AOAH: variants seen among roughly 807,000 people sequenced by gnomAD.
AOAH encodes acyloxyacyl hydrolase.
Under a neutral mutation model 92.2 loss-of-function variants are expected in AOAH, and 64 were observed. The observed-to-expected ratio is 0.69, with a 90% CI of 0.57 to 0.86. The LOEUF (loss-of-function observed/expected upper bound fraction) is 0.86. Among genes scored for constraint, AOAH ranks in the 40% least tolerant of loss-of-function variants. The probability of loss-of-function intolerance (pLI) is 0.00; values close to 1 mark genes in which losing one functional copy is unlikely to be tolerated. For synonymous variants in AOAH, 263 were observed against 254.5 expected (o/e 1.03, Z -0.32); for missense variants, 656 against 694.6 (o/e 0.94, Z 0.62).
intron 12 of AOAH, among the ~76,000 whole-genome samples, chr7:36,584,572 C>T (rs1298032830): frequency 6.6e-6 from 1 of 152,074 alleles, no homozygotes; most frequent in Non-Finnish European, 1.5e-5. Context: ...TCATTTTCTC[C>T]TATTTGTTGA....
intron 18 of AOAH, 104 bp from the exon 19 acceptor site, chr7:36,530,618 C>T (rs1784639197): frequency 2.8e-6 from 2 of 716,838 alleles, no homozygotes; most frequent in Non-Finnish European, 4.8e-6. Flanking sequence ...TCCTACTCTA[C>T]TTTCATTTCT....
intron 13 of AOAH, among the ~76,000 whole-genome samples, chr7:36,576,228 A>G (rs1435715611): frequency 6.6e-6 from 1 of 152,214 alleles, no homozygotes; most frequent in Admixed American, 6.5e-5. Flanking sequence ...AGCTTTTGCG[A>G]TGACCTTAAT....
intron 11 of AOAH, among the ~76,000 whole-genome samples, chr7:36,597,031 T>C (rs1397386161): frequency 2.0e-5 from 3 of 152,198 alleles, no homozygotes; most frequent in Non-Finnish European, 2.9e-5. Context: ...AATTGCCTCC[T>C]CCTTCCACAC....
At chr7:36,634,776 T>C (rs1793405532) in intron 5 of AOAH, among the ~76,000 whole-genome samples, 1 of 152,240 alleles carries the variant, frequency 6.6e-6, no homozygotes, top group Non-Finnish European at 1.5e-5. Flanking sequence ...AACAACAGTC[T>C]AGATTTTAAC....
At chr7:36,563,515 T>C (rs1020471552) in intron 13 of AOAH, among the ~76,000 whole-genome samples, 2 of 152,182 alleles carry the variant, frequency 1.3e-5, no homozygotes, top group African/African-American at 4.8e-5. Flanking sequence ...TCCAGAGTGC[T>C]CCAGCTATTC....
intron 11 of AOAH, among the ~76,000 whole-genome samples, chr7:36,603,439 C>T (rs984622723): frequency 3.9e-5 from 6 of 152,166 alleles, no homozygotes; most frequent in African/African-American, 1.2e-4. Flanking sequence ...GAGCCTTCCT[C>T]GCCTGCCCCG....
intron 1 of AOAH, among the ~76,000 whole-genome samples, chr7:36,704,865 T>A (rs1327870284): frequency 1.3e-5 from 2 of 151,916 alleles, no homozygotes; most frequent in Non-Finnish European, 2.9e-5. Context: ...ATGTAATCCA[T>A]CACATAAACA....
chr7:36,595,706 T>A (rs1790058596), intron 11 of AOAH, among the ~76,000 whole-genome samples: 1 of 152,204 alleles, frequency 6.6e-6, no homozygotes. Flanking sequence ...ACTGAGTATC[T>A]TGTATTTTAT....
chr7:36,536,019 C>T (rs535360183), intron 16 of AOAH, among the ~76,000 whole-genome samples: 4 of 152,322 alleles, frequency 2.6e-5, no homozygotes, highest in East Asian at 3.9e-4. Flanking sequence ...CAGCCAGCGA[C>T]GGACTGGGTA....
At chr7:36,661,094 G>A (rs2116543946) in intron 3 of AOAH, 1 of 152,280 alleles carries the variant, frequency 6.6e-6, no homozygotes, top group Non-Finnish European at 1.5e-5. Flanking sequence ...ACTTTCTTTG[G>A]GTTTCTTCCC....
chr7:36,534,892 G>A (rs908944883), intron 16 of AOAH, among the ~76,000 whole-genome samples: 3 of 152,128 alleles, frequency 2.0e-5, no homozygotes, highest in Admixed American at 6.5e-5. Flanking sequence ...GTCTCTGTGT[G>A]TCTTCGTGTG....
chr7:36,543,802 A>C (rs1785580728), intron 15 of AOAH, among the ~76,000 whole-genome samples: 1 of 152,106 alleles, frequency 6.6e-6, no homozygotes, highest in South Asian at 2.1e-4. Flanking sequence ...TGCATAGCAA[A>C]ATCAACCAAC....
intron 7 of AOAH, among the ~76,000 whole-genome samples, chr7:36,622,914 T>C (rs1792383446): frequency 6.6e-6 from 1 of 151,946 alleles, no homozygotes; most frequent in Admixed American, 6.6e-5. Context: ...GGTGTGGTGG[T>C]GCATGCCTGT....
At chr7:36,650,657 A>G (rs11973236) in intron 4 of AOAH, among the ~76,000 whole-genome samples, 98,050 of 152,158 alleles carry the variant, frequency 0.64, 32,040 homozygotes, top group East Asian at 0.84. Context: ...CACATTCTCA[A>G]AGAAGCCGAA....
chr7:36,724,143 C>A lies in AOAH; in HGVS notation c.6G>T (p.Gln2His). M[Q>H]SPWKILTVAP... ...CCACCGTAAGGATTTTCCAGGGGGA[C>A]TGCATCTCCGAGCTATGCACCCCAA... The change falls in exon 1 of 21, where the codon CAG (glutamine) becomes CAT (histidine). Residue 2 changes from glutamine (Q) to histidine (H), a missense_variant. Transcript: ENST00000617537. 6.2e-7 allele frequency: 1 copy of A among 1,613,182 alleles called. No homozygotes were observed. The highest frequency in any genetic ancestry group is 8.5e-7 in the Non-Finnish European group (1 of 1,179,400).
In AOAH at chr7:36,651,597, A is replaced by G. The variant is rs575010518; in HGVS notation, c.390+7569T>C. Among the ~76,000 whole-genome samples the G allele has an allele frequency of 2.0e-5, 3 of 152,296 alleles. No homozygotes were observed. In the South Asian group the frequency reaches 6.2e-4, roughly 32 times the overall value. On this transcript the variant is annotated intron_variant, in intron 4 of 20. Transcript: ENST00000617537. ...TTAAGCTGTTTATGATATTTTATGA[A>G]AACTAAAACTAAAGCTGCCTTTAAT...
At chr7:36,722,524 A>G (rs996149072) in intron 1 of AOAH, among the ~76,000 whole-genome samples, 5 of 152,344 alleles carry the variant, frequency 3.3e-5, no homozygotes, top group Non-Finnish European at 7.3e-5. Flanking sequence ...GCAAATAGTT[A>G]TTTAAGGAAA....
At chr7:36,656,964 G>A (rs934845955) in intron 4 of AOAH, among the ~76,000 whole-genome samples, 1 of 151,706 alleles carries the variant, frequency 6.6e-6, no homozygotes, top group African/African-American at 2.4e-5. Flanking sequence ...ATTCATACGT[G>A]CTACGTAGGA....
intron 12 of AOAH, among the ~76,000 whole-genome samples, chr7:36,582,392 A>G (rs1788993964): frequency 6.6e-6 from 1 of 152,200 alleles, no homozygotes; most frequent in African/African-American, 2.4e-5. Flanking sequence ...TTAACTTTCC[A>G]GTTTCACCAG....
Sources: gnomAD v4.1 joint callset for allele counts (sites outside exome capture counted in the v4.1 genomes callset) on GRCh38, gnomAD v4.1.1 for gene constraint, MANE v1.5 for transcripts, NCBI Gene and HGNC (gene_info 2026-07-23, HGNC 2026-07-21) for gene names.